EFL1: variants seen among roughly 807,000 people sequenced by gnomAD.
The protein encoded by EFL1 is elongation factor-like GTPase 1.
In EFL1, 76 loss-of-function variants were observed where a neutral mutation model predicts 126.7. The observed-to-expected ratio is 0.60, with a 90% CI of 0.50 to 0.73. The LOEUF (loss-of-function observed/expected upper bound fraction) is 0.73, where lower values mean the gene tolerates loss of function less well. Among genes scored for constraint, EFL1 ranks in the 30% least tolerant of loss-of-function variants. EFL1 has a pLI of 0.00. For missense variants in EFL1, 1,128 were observed against 1,343.2 expected (o/e 0.84, Z 2.50); for synonymous variants, 410 against 448.4 (o/e 0.91, Z 1.08).
At chr15:82,238,211 T>C in intron 7 of EFL1, 96 bp downstream of exon 7, 1 of 1,333,154 alleles carries the variant, frequency 7.5e-7, no homozygotes. Context: ...CAACTATAGG[T>C]GAATCTATAA....
intron 15 of EFL1, among the ~76,000 whole-genome samples, chr15:82,213,259 T>G (rs1374864075): frequency 6.6e-6 from 1 of 152,222 alleles, no homozygotes; most frequent in Non-Finnish European, 1.5e-5. Flanking sequence ...ACCTTCATCC[T>G]TACCCCATGT....
chr15:82,183,864 C>T (rs975320304), intron 15 of EFL1, among the ~76,000 whole-genome samples: 2 of 152,192 alleles, frequency 1.3e-5, no homozygotes, highest in African/African-American at 4.8e-5. Flanking sequence ...AGAACAATAT[C>T]AGGTCATCTT....
chr15:82,213,909 T>C (rs139800937), intron 15 of EFL1, among the ~76,000 whole-genome samples: 3 of 152,320 alleles, frequency 2.0e-5, no homozygotes, highest in Admixed American at 6.5e-5. Flanking sequence ...AATAGCAAAA[T>C]GCTTTGGCAA....
chr15:82,257,458 G>A (rs1409220803), intron 3 of EFL1, among the ~76,000 whole-genome samples: 1 of 152,028 alleles, frequency 6.6e-6, no homozygotes, highest in Non-Finnish European at 1.5e-5. Flanking sequence ...GCCACATTAG[G>A]AACATTACCA....
chr15:82,175,383 C>G (rs1448408756), intron 15 of EFL1, among the ~76,000 whole-genome samples: 3 of 152,186 alleles, frequency 2.0e-5, no homozygotes, highest in Non-Finnish European at 2.9e-5. Context: ...GCACGCATTA[C>G]TTCCTGGTGA....
chr15:82,231,144 T>C (rs900054335), intron 7 of EFL1, among the ~76,000 whole-genome samples, 173 bp from the exon 8 acceptor site: 4 of 152,028 alleles, frequency 2.6e-5, no homozygotes, highest in African/African-American at 9.7e-5. Context: ...AGGGAACAAG[T>C]GAGGTGGGGA....
In EFL1 at chr15:82,227,586, T is replaced by G; in HGVS notation, c.1070-14A>C. 1 of 1,614,108 alleles carries G rather than the reference T, an allele frequency of 6.2e-7. No individual in the cohort carries two copies. ...GACACACCATAGCTGAAGTCTATTG[T>G]TAAGGACTGAAAACCTTGAGCCAGT... On this transcript the variant is annotated splice_polypyrimidine_tract_variant and intron_variant, in intron 10 of 19. Transcript: ENST00000268206.
In EFL1 at chr15:82,225,163, A is replaced by G. The variant is rs973440608; in HGVS notation, c.1292+2T>C. 1 of 1,602,268 alleles carries G rather than the reference A, an allele frequency of 6.2e-7. No individual in the cohort carries two copies. Among genetic ancestry groups the G allele is most frequent in the Non-Finnish European group, 8.5e-7 (1 of 1,175,354 alleles). On this transcript the variant is annotated splice_donor_variant, in intron 12 of 19. Coordinates refer to ENST00000268206, the MANE Select transcript of EFL1 (RefSeq NM_024580.6). LOFTEE classifies it high-confidence loss of function. Reference sequence around the variant, plus strand: ...CCAGCCCAACTTTCCCCTTTCCCTTACCTTGGCTTATTCTGAGGCAAGGCC... The same window carrying G: ...CCAGCCCAACTTTCCCCTTTCCCTTGCCTTGGCTTATTCTGAGGCAAGGCC...
intron 14 of EFL1, among the ~76,000 whole-genome samples, chr15:82,217,918 T>C (rs1424364073): frequency 1.3e-5 from 2 of 152,190 alleles, no homozygotes; most frequent in African/African-American, 2.4e-5. Flanking sequence ...GGAAGGTCCA[T>C]ATGACAAGAA....
intron 14 of EFL1, among the ~76,000 whole-genome samples, chr15:82,217,373 G>GAAAAAAAAAAAAAAAAAAAAAAA: frequency 7.4e-5 from 2 of 27,152 alleles, no homozygotes; most frequent in Non-Finnish European, 1.4e-4. Context: ...GATTAGATTT[G>GAAAAAAAAAAAAAAAAAAAAAAA]AAAAAAAAAA....
intron 18 of EFL1, among the ~76,000 whole-genome samples, chr15:82,144,222 C>T (rs2073818887): frequency 6.7e-6 from 1 of 150,208 alleles, no homozygotes; most frequent in African/African-American, 2.5e-5. Flanking sequence ...CGCCACTGTA[C>T]TCCAGCCTGG....
chr15:82,217,377 A>G (rs1277487669), intron 14 of EFL1, among the ~76,000 whole-genome samples: 6 of 141,156 alleles, frequency 4.3e-5, no homozygotes, highest in Admixed American at 3.6e-4. Context: ...AGATTTGAAA[A>G]AAAAAAAAAA....
intron 18 of EFL1, among the ~76,000 whole-genome samples, chr15:82,141,296 G>A (rs1214105113): frequency 6.6e-6 from 1 of 152,116 alleles, no homozygotes; most frequent in Non-Finnish European, 1.5e-5. Context: ...ATTTGTCTGA[G>A]ATATATAGAA....
rs1245800809 is a variant in EFL1, at chr15:82,238,421, T to A, written c.617A>T (p.Glu206Val). The A allele has an allele frequency of 6.2e-7, 1 of 1,614,046 alleles. No homozygotes were observed. Among genetic ancestry groups the A allele is most frequent in the Non-Finnish European group, 8.5e-7 (1 of 1,180,044 alleles). ...GCCAGTGCTCCAGTCATATACTTGC[T>A]CTCCTTGTTCAGAATTTGGATTCAC... ...SQVNPNSEQG[E>V]QVYDWSTGLE... The change falls in exon 7 of 20, where the codon GAG becomes GTG. Residue 206 changes from glutamate (E) to valine (V), a missense_variant. Transcript: ENST00000268206.
At chr15:82,260,322 C>T (rs938725815) in intron 2 of EFL1, among the ~76,000 whole-genome samples, 11 of 152,168 alleles carry the variant, frequency 7.2e-5, no homozygotes, top group African/African-American at 2.2e-4. Context: ...GGGTTACTCA[C>T]TGGATTTGTA....
At chr15:82,209,310 G>GACACACACACAC (rs1439189664) in intron 15 of EFL1, among the ~76,000 whole-genome samples, 169 of 94,932 alleles carry the variant, frequency 1.8e-3, no homozygotes, top group African/African-American at 6.3e-3. Flanking sequence ...TTCACACACA[G>GACACACACACAC]ACACAGACAC....
At chr15:82,132,814 T>G (rs2073672683) in intron 19 of EFL1, among the ~76,000 whole-genome samples, 1 of 152,022 alleles carries the variant, frequency 6.6e-6, no homozygotes. Context: ...GGGGTTCTTC[T>G]GGGTCAGAGG....
intron 15 of EFL1, among the ~76,000 whole-genome samples, chr15:82,194,995 T>C (rs1431923866): frequency 6.6e-6 from 1 of 152,256 alleles, no homozygotes; most frequent in African/African-American, 2.4e-5. Context: ...GGAAATAATG[T>C]ATTTTTATAT....
At chr15:82,225,318 A>G in intron 11 of EFL1, 54 bp from the exon 12 acceptor site, 1 of 1,384,256 alleles carries the variant, frequency 7.2e-7, no homozygotes, top group Non-Finnish European at 9.8e-7. Context: ...TAAAAAAAAA[A>G]AACAGATTTT....
Sources: allele counts gnomAD v4.1 joint callset (sites outside exome capture counted in the v4.1 genomes callset), GRCh38; gene constraint gnomAD v4.1.1; transcripts MANE v1.5; gene names NCBI Gene and HGNC (gene_info 2026-07-23, HGNC 2026-07-21).